Variants in PAX5 observed in about 807,000 individuals in gnomAD.
The protein encoded by PAX5 is paired box protein Pax-5.
In PAX5, 9 loss-of-function variants were observed where a neutral mutation model predicts 43.7. That is an observed-to-expected ratio of 0.21 (90% confidence interval 0.12 to 0.36). The LOEUF (loss-of-function observed/expected upper bound fraction) is 0.36, where lower values mean the gene tolerates loss of function less well. Ranked by LOEUF, PAX5 falls within the 10% of genes least tolerant of loss-of-function variation. The pLI is 1.00. For missense variants in PAX5, 383 were observed against 532.7 expected, an observed-to-expected ratio of 0.72 and a Z score of 2.77; for synonymous variants, 228 against 214.3, an observed-to-expected ratio of 1.06 and a Z score of -0.56.
intron 8 of PAX5, among the ~76,000 whole-genome samples, chr9:36,848,388 GCGC>G (rs1448102224): frequency 2.1e-4 from 2 of 9,674 alleles, no homozygotes; most frequent in African/African-American, 3.9e-4. Context: ...ACACATGCTC[GCGC>G]TCCTCCTCGG....
At chr9:36,960,890 C>T (rs1833917912) in intron 6 of PAX5, among the ~76,000 whole-genome samples, 1 of 152,212 alleles carries the variant, frequency 6.6e-6, no homozygotes, top group Admixed American at 6.5e-5. Flanking sequence ...TTCTCCAGCC[C>T]GCCATCTGCT....
chr9:37,004,398 G>A (rs924586885), intron 4 of PAX5, among the ~76,000 whole-genome samples: 1 of 152,154 alleles, frequency 6.6e-6, no homozygotes, highest in African/African-American at 2.4e-5. Flanking sequence ...ACACTTCCTT[G>A]GGCTATAACC....
At chr9:36,946,370 A>C (rs1178059657) in intron 6 of PAX5, among the ~76,000 whole-genome samples, 1 of 152,224 alleles carries the variant, frequency 6.6e-6, no homozygotes, top group Non-Finnish European at 1.5e-5. Context: ...CATGGGAACC[A>C]CTGAGAGATC....
At chr9:36,857,643 G>A (rs1393667815) in intron 8 of PAX5, among the ~76,000 whole-genome samples, 3 of 152,196 alleles carry the variant, frequency 2.0e-5, no homozygotes, top group African/African-American at 7.2e-5. Flanking sequence ...AGTGGGTACC[G>A]AAATCTGTCC....
At chr9:37,012,193 T>G (rs1461106296) in intron 3 of PAX5, among the ~76,000 whole-genome samples, 1 of 152,018 alleles carries the variant, frequency 6.6e-6, no homozygotes, top group Non-Finnish European at 1.5e-5. Context: ...CCCGCGAGGA[T>G]CTGAAATGCA....
chr9:36,917,624 C>A (rs1354765119), intron 7 of PAX5, among the ~76,000 whole-genome samples: 1 of 152,230 alleles, frequency 6.6e-6, no homozygotes, highest in Non-Finnish European at 1.5e-5. Flanking sequence ...GAAAGGCAAC[C>A]ACAGCCTCAA....
intron 6 of PAX5, among the ~76,000 whole-genome samples, chr9:36,943,196 T>C (rs1366961232): frequency 6.6e-6 from 1 of 152,156 alleles, no homozygotes; most frequent in Non-Finnish European, 1.5e-5. Flanking sequence ...TACGGGTCCA[T>C]CAGGTTTGCC....
intron 8 of PAX5, among the ~76,000 whole-genome samples, chr9:36,848,708 T>A (rs975365788): frequency 6.6e-6 from 1 of 152,334 alleles, no homozygotes; most frequent in East Asian, 1.9e-4. Flanking sequence ...ATTGGGCTAC[T>A]GTGGCAGAGG....
chr9:37,015,843 G>A lies in PAX5; in HGVS notation c.213-649C>T, dbSNP rs1247982765. On this transcript the variant is annotated intron_variant, in intron 2 of 9. Transcript: ENST00000358127. This position sits in a 1 kb window ranked among gnomAD's most constrained non-coding sequence, Gnocchi z 4.4. ...TATCCGCCTGCCTCGGCCTCCCAAA[G>A]TGCTGGGATTACAGGCATGAGCCAC... Among the ~76,000 whole-genome samples the A allele has an allele frequency of 6.6e-6, 1 of 152,070 alleles. No homozygotes were observed. Among genetic ancestry groups the A allele is most frequent in the Admixed American group, 6.5e-5 (1 of 15,272 alleles).
At chr9:36,933,076 G>A (rs888953772) in intron 6 of PAX5, among the ~76,000 whole-genome samples, 2 of 146,796 alleles carry the variant, frequency 1.4e-5, no homozygotes, top group Admixed American at 7.0e-5. Flanking sequence ...CCCCAGAGGC[G>A]AACTTTGCAG....
intron 6 of PAX5, among the ~76,000 whole-genome samples, chr9:36,943,911 C>T (rs1588043093): frequency 6.6e-6 from 1 of 152,210 alleles, no homozygotes; most frequent in East Asian, 1.9e-4. Context: ...TAGAGCTGGG[C>T]TCAGTGGCTC....
chr9:36,939,839 G>A (rs573394452), intron 6 of PAX5, among the ~76,000 whole-genome samples: 24 of 152,322 alleles, frequency 1.6e-4, no homozygotes, highest in African/African-American at 4.8e-4. Flanking sequence ...GAGAGCGCTC[G>A]CGTGCGGGTG....
At chr9:36,879,932 A>C (rs1475454594) in intron 8 of PAX5, among the ~76,000 whole-genome samples, 1 of 152,204 alleles carries the variant, frequency 6.6e-6, no homozygotes, top group Non-Finnish European at 1.5e-5. Flanking sequence ...CTTGCAGCAG[A>C]CCAAAGTTTT....
chr9:36,855,736 C>T (rs76309382), intron 8 of PAX5, among the ~76,000 whole-genome samples: 104 of 152,284 alleles, frequency 6.8e-4, no homozygotes, highest in African/African-American at 2.3e-3. Flanking sequence ...CACCCCTACC[C>T]GCCACAAGCC....
At chr9:36,986,684 G>C (rs2091174768) in intron 5 of PAX5, among the ~76,000 whole-genome samples, 1 of 152,070 alleles carries the variant, frequency 6.6e-6, no homozygotes, top group Non-Finnish European at 1.5e-5. Flanking sequence ...CGGTGGGCGG[G>C]AGCTAGGCCC....
intron 1 of PAX5, chr9:37,026,477 A>T: frequency 7.7e-7 from 1 of 1,296,304 alleles, no homozygotes; most frequent in Non-Finnish European, 1.0e-6. Context: ...ACGGTCCGGC[A>T]CCCCCAACCC....
intron 6 of PAX5, among the ~76,000 whole-genome samples, chr9:36,941,268 A>G (rs1832023667): frequency 1.3e-5 from 2 of 152,180 alleles, no homozygotes; most frequent in African/African-American, 4.8e-5. Context: ...TTTCCCTTAC[A>G]GAGTTGTTCT....
chr9:36,971,654 T>C (rs10119320), intron 5 of PAX5, among the ~76,000 whole-genome samples: 24,898 of 152,184 alleles, frequency 0.16, 2,556 homozygotes, highest in African/African-American at 0.29. Context: ...TCAAATAATA[T>C]GTAATAGACC....
At chr9:36,967,017 A>T (rs979443538) in intron 5 of PAX5, among the ~76,000 whole-genome samples, 1 of 152,234 alleles carries the variant, frequency 6.6e-6, no homozygotes, top group Non-Finnish European at 1.5e-5. Context: ...CCCACTTTGC[A>T]GATGAGAAGA....
Sources: allele counts gnomAD v4.1 joint callset (sites outside exome capture counted in the v4.1 genomes callset), GRCh38; gene constraint gnomAD v4.1.1; non-coding constraint Gnocchi (gnomAD v3.1); transcripts MANE v1.5; gene names NCBI Gene and HGNC (gene_info 2026-07-23, HGNC 2026-07-21).